Variants in ZFHX3 observed in about 807,000 individuals in gnomAD.
The protein encoded by ZFHX3 is zinc finger homeobox protein 3.
In ZFHX3, 42 loss-of-function variants were observed where a neutral mutation model predicts 279.1. The ratio of observed to expected loss-of-function variants is 0.15; its 90% confidence interval spans 0.12 to 0.19. ZFHX3 has a LOEUF of 0.19. Among genes scored for constraint, ZFHX3 ranks in the 10% least tolerant of loss-of-function variants. The pLI is 1.00. For missense variants in ZFHX3, 4,981 were observed against 4,754.0 expected (o/e 1.05, Z -1.40); for synonymous variants, 2,293 against 1,957.8 (o/e 1.17, Z -4.52).
intron 3 of ZFHX3, among the ~76,000 whole-genome samples, chr16:73,429,949 G>A (rs1227327043): frequency 1.3e-5 from 2 of 152,146 alleles, no homozygotes; most frequent in African/African-American, 4.8e-5. Context: ...GCGCAGTAGT[G>A]TGATCTCTGC....
At chr16:73,166,379 C>T (rs1439108176) in intron 5 of ZFHX3, among the ~76,000 whole-genome samples, 2 of 152,114 alleles carry the variant, frequency 1.3e-5, no homozygotes, top group African/African-American at 4.8e-5. Flanking sequence ...AAGCTGGGAA[C>T]AGTTGCAATG....
chr16:73,042,524 G>A (rs1965156317), intron 1 of ZFHX3, among the ~76,000 whole-genome samples: 1 of 151,986 alleles, frequency 6.6e-6, no homozygotes, highest in Non-Finnish European at 1.5e-5. Flanking sequence ...GCCTACACAT[G>A]ACCCCTCCAG....
intron 1 of ZFHX3, among the ~76,000 whole-genome samples, chr16:73,701,238 T>G (rs1023282016): frequency 6.6e-6 from 1 of 152,240 alleles, no homozygotes; most frequent in African/African-American, 2.4e-5. Flanking sequence ...GTGATGTTGG[T>G]TTTCTTGTCG....
chr16:73,598,264 C>T (rs2052072870), intron 2 of ZFHX3, among the ~76,000 whole-genome samples: 1 of 152,148 alleles, frequency 6.6e-6, no homozygotes, highest in Non-Finnish European at 1.5e-5. Flanking sequence ...GTTGTTTTCT[C>T]TCCATCAAAT....
chr16:73,162,084 C>T (rs1270974472), intron 5 of ZFHX3, among the ~76,000 whole-genome samples: 1 of 152,192 alleles, frequency 6.6e-6, no homozygotes, highest in Non-Finnish European at 1.5e-5. Flanking sequence ...CTTTATAGAG[C>T]AGGGGTCCCC....
chr16:72,808,754 G>A (rs2036348905), intron 7 of ZFHX3, among the ~76,000 whole-genome samples: 1 of 152,200 alleles, frequency 6.6e-6, no homozygotes, highest in Non-Finnish European at 1.5e-5. Flanking sequence ...TACATTGTCA[G>A]GGGTTCTAGA....
intron 8 of ZFHX3, among the ~76,000 whole-genome samples, chr16:73,070,936 G>GCACACA (rs1288169998): frequency 2.5e-3 from 25 of 9,970 alleles, no homozygotes; most frequent in African/African-American, 3.3e-3. Context: ...GCGCGCGCGC[G>GCACACA]CGCACACACA....
At chr16:73,724,455 C>G (rs1414458896) in intron 1 of ZFHX3, among the ~76,000 whole-genome samples, 2 of 152,182 alleles carry the variant, frequency 1.3e-5, no homozygotes, top group Non-Finnish European at 2.9e-5. Flanking sequence ...CAGGTGTCAT[C>G]ATTGAGAACC....
intron 4 of ZFHX3, among the ~76,000 whole-genome samples, chr16:73,273,397 A>G (rs570418312): frequency 6.6e-6 from 1 of 152,356 alleles, no homozygotes; most frequent in Non-Finnish European, 1.5e-5. Context: ...CAACTTAAAA[A>G]TAGGATGGCA....
chr16:73,000,228 G>C (rs1336729771), intron 1 of ZFHX3, among the ~76,000 whole-genome samples: 1 of 152,188 alleles, frequency 6.6e-6, no homozygotes, highest in African/African-American at 2.4e-5. Context: ...CCTGTCCCCA[G>C]GGCACTGGAG....
At chr16:73,129,485 T>C (rs879421907) in intron 7 of ZFHX3, among the ~76,000 whole-genome samples, 1 of 151,866 alleles carries the variant, frequency 6.6e-6, no homozygotes, top group Non-Finnish European at 1.5e-5. Context: ...AATTTTGAGG[T>C]GTAACAGCCT....
intron 3 of ZFHX3, among the ~76,000 whole-genome samples, chr16:73,442,563 G>A (rs574731365): frequency 2.0e-4 from 31 of 152,280 alleles, no homozygotes; most frequent in African/African-American, 7.5e-4. Flanking sequence ...TGACATAGGT[G>A]ATTATAATAG....
chr16:72,936,531 T>C (rs1960134704), intron 3 of ZFHX3, among the ~76,000 whole-genome samples: 1 of 152,196 alleles, frequency 6.6e-6, no homozygotes, highest in Non-Finnish European at 1.5e-5. Flanking sequence ...AGATATTGAA[T>C]GAGAGCTGAA....
chr16:73,554,591 ATATTAGT>A (rs1475122632), intron 2 of ZFHX3: 2 of 152,182 alleles, frequency 1.3e-5, no homozygotes, highest in East Asian at 3.9e-4. Flanking sequence ...TCATTTTTAA[ATATTAGT>A]TATTAAGATT....
intron 1 of ZFHX3, among the ~76,000 whole-genome samples, chr16:72,979,614 T>C (rs1962499440): frequency 6.6e-6 from 1 of 152,184 alleles, no homozygotes; most frequent in East Asian, 1.9e-4. Flanking sequence ...AAGCAAAGAA[T>C]ATATAAGACA....
At chr16:73,546,684 TGCTGCTGCTGC>T (rs2020115560) in intron 2 of ZFHX3, among the ~76,000 whole-genome samples, 1 of 61,374 alleles carries the variant, frequency 1.6e-5, no homozygotes, top group Non-Finnish European at 2.7e-5. Context: ...CTGCTGCTGC[TGCTGCTGCTGC>T]TGCTGCTGCT....
chr16:73,624,193 A>T (rs539036674), intron 2 of ZFHX3, among the ~76,000 whole-genome samples: 1 of 152,336 alleles, frequency 6.6e-6, no homozygotes, highest in South Asian at 2.1e-4. Flanking sequence ...TGGTGCCAGA[A>T]AATTTTAAAA....
chr16:72,833,810 C>T (rs919148581), intron 4 of ZFHX3, among the ~76,000 whole-genome samples: 2 of 152,168 alleles, frequency 1.3e-5, no homozygotes, highest in Non-Finnish European at 2.9e-5. Context: ...CCACAGTAGC[C>T]TCAAACTGGA....
chr16:73,293,632 C>T (rs1184366535), intron 4 of ZFHX3, among the ~76,000 whole-genome samples: 1 of 152,184 alleles, frequency 6.6e-6, no homozygotes, highest in Non-Finnish European at 1.5e-5. Flanking sequence ...TTTCTGGGCA[C>T]AGTCACTTCA....
Sources: gnomAD v4.1 joint callset for allele counts (sites outside exome capture counted in the v4.1 genomes callset) on GRCh38, gnomAD v4.1.1 for gene constraint, MANE v1.5 for transcripts, NCBI Gene and HGNC (gene_info 2026-07-23, HGNC 2026-07-21) for gene names.